Variants in TSPAN4 observed in about 807,000 individuals in gnomAD.
TSPAN4 encodes the protein tetraspanin-4.
Under a neutral mutation model 31.5 loss-of-function variants are expected in TSPAN4, and 38 were observed. The observed-to-expected ratio is 1.21, with a 90% CI of 0.93 to 1.58. TSPAN4 has a LOEUF of 1.58. Among genes scored for constraint, TSPAN4 ranks in the 40% most tolerant of loss-of-function variants. The pLI is 0.00. For missense variants in TSPAN4, 330 were observed against 317.3 expected, an observed-to-expected ratio of 1.04 and a Z score of -0.30; for synonymous variants, 186 against 144.6, an observed-to-expected ratio of 1.29 and a Z score of -2.06.
At chr11:852,421 TAATC>T (rs1012455139) in intron 3 of TSPAN4, among the ~76,000 whole-genome samples, 2 of 152,192 alleles carry the variant, frequency 1.3e-5, no homozygotes, top group Admixed American at 6.5e-5. Context: ...TATTTTTTAT[TAATC>T]AATCACCACC....
intron 3 of TSPAN4, among the ~76,000 whole-genome samples, chr11:853,403 CT>C (rs1009663267): frequency 1.3e-5 from 2 of 152,170 alleles, no homozygotes; most frequent in African/African-American, 4.8e-5. Flanking sequence ...GCTAGGGCCC[CT>C]GGTCACTGAC....
Position 862,661 on chromosome 11 carries a change from A to G in TSPAN4, c.175A>G (p.Ile59Val). ...CCTGTCGGCTGCCAACTTGCTCATC[A>G]TCACCGGCGCCTTTGTCATGGCCAT... is the stretch of plus-strand genomic sequence containing the variant. ...PSLSAANLLI[I>V]TGAFVMAIGF... Residue 59 changes from isoleucine (I) to valine (V), a missense_variant, in exon 4 of 9, where the codon ATC becomes GTC. Physicochemically the swap from Ile to Val is conservative, Grantham distance 29 (BLOSUM62 3). Coordinates refer to ENST00000397397, the MANE Select transcript of TSPAN4 (RefSeq NM_003271.5). 1.2e-6 allele frequency: 2 copies of G among 1,613,248 alleles called. No individual in the cohort carries two copies. The highest frequency in any genetic ancestry group is 1.1e-5 in the South Asian group (1 of 91,074).
rs756347490 is a variant in TSPAN4, at chr11:865,809, G to A, written c.548G>A (p.Gly183Asp). ...GAGAGCTGTGGGCTGCACGCCCCCG[G>A]CACCTGGTGGAAGGCGGTGAGTGAG... ...FSESCGLHAPGTWWKAPCYET... is the reference protein window; with the variant it reads ...FSESCGLHAPDTWWKAPCYET... Residue 183 changes from glycine (G) to aspartate (D), a missense_variant, in exon 7 of 9, where the codon GGC becomes GAC. Gly to Asp is a moderately conservative substitution (Grantham distance 94, BLOSUM62 -1). Transcript: ENST00000397397. 5.6e-6 allele frequency: 9 copies of A among 1,612,310 alleles called. No individual in the cohort carries two copies. Among genetic ancestry groups the A allele is most frequent in the Non-Finnish European group, 7.6e-6 (9 of 1,179,578 alleles).
intron 2 of TSPAN4, chr11:849,676 G>C (rs1847519234): frequency 6.6e-6 from 1 of 151,734 alleles, no homozygotes; most frequent in Admixed American, 6.6e-5. Context: ...CGGGGTCGCG[G>C]CTGGTGCGTT....
At position 866,725 on chromosome 11, in the gene TSPAN4, C is replaced by G. The variant is rs1848874616; in HGVS notation, c.*95C>G. 9.5e-6 allele frequency: 12 copies of G among 1,260,092 alleles called. No homozygotes were observed. Among genetic ancestry groups the G allele is most frequent in the Non-Finnish European group, 1.3e-5 (12 of 917,272 alleles). The allele number at this position is 1,260,092 out of a possible 1,614,324, so 78.1% of individuals were successfully genotyped here. A position where few individuals can be genotyped will look rare whatever the true frequency, so the allele number is the denominator to read the frequency against. On this transcript the variant is annotated 3_prime_UTR_variant, in exon 9 of 9. Coordinates refer to ENST00000397397, the MANE Select transcript of TSPAN4 (RefSeq NM_003271.5). ...CCCACCACCAGCCTCGGTGCTCTGC[C>G]CCATGCTGGGAGGAGGGAGGGAGGG...
intron 5 of TSPAN4, chr11:865,295 C>T (rs1848706272): frequency 1.2e-5 from 7 of 579,386 alleles, no homozygotes; most frequent in African/African-American, 3.8e-5. Flanking sequence ...CCATGGTCCT[C>T]CCCCAGCCTG....
Position 865,744 on chromosome 11 carries a change from C to G in TSPAN4, c.483C>G (p.Asn161Lys). ...ACACTGACTGGTTCGAGGTGTACAA[C>G]GCCACGCGGGTACCTGACTCCTGCT... ...SNYTDWFEVYNATRVPDSCCL... is the reference protein window; with the variant it reads ...SNYTDWFEVYKATRVPDSCCL... Residue 161 changes from asparagine (N) to lysine (K), a missense_variant, in exon 7 of 9, where the codon AAC (asparagine) becomes AAG (lysine). Transcript: ENST00000397397. The G allele has an allele frequency of 6.2e-7, 1 of 1,613,260 alleles. No individual in the cohort carries two copies. The highest frequency in any genetic ancestry group is 8.5e-7 in the Non-Finnish European group (1 of 1,179,896).
chr11:850,320 C>T lies in TSPAN4; in HGVS notation c.16C>T (p.Leu6Phe), dbSNP rs1176278508. ...GCGCTGCGGCATGGCGCGCGCCTGC[C>T]TCCAGGCCGTCAAGTACCTCATGTT... The part of the protein sequence containing the change: MARAC[L>F]QAVKYLMFAF... Residue 6 changes from leucine (L) to phenylalanine (F), a missense_variant, in exon 3 of 9, where the codon CTC becomes TTC. Transcript: ENST00000397397. 13 of 1,608,648 alleles carry T rather than the reference C, an allele frequency of 8.1e-6. No individual in the cohort carries two copies. The East Asian group carries it at 1.6e-4, about 19-fold the overall frequency.
rs1284043242 is a variant in TSPAN4, at chr11:849,040, G to T, written c.-17-1248G>T. Reference sequence around the variant, plus strand: ...GGGCCCCTTGTTTAAAAATTACCAAGAATTTCAAGACGGGAACAGCAGAGC... The same window carrying T: ...GGGCCCCTTGTTTAAAAATTACCAATAATTTCAAGACGGGAACAGCAGAGC... On this transcript the variant is annotated intron_variant, in intron 2 of 8. Coordinates refer to ENST00000397397, the MANE Select transcript of TSPAN4 (RefSeq NM_003271.5). 3 of 597,338 alleles carry T rather than the reference G, an allele frequency of 5.0e-6. No homozygotes were observed. The East Asian group carries it at 8.8e-5, about 18-fold the overall frequency. 37.0% of individuals were successfully genotyped at this position (597,338 alleles called of 1,614,324 possible).
Position 866,820 on chromosome 11 carries a change from A to G in TSPAN4, c.*190A>G. 4 of 562,030 alleles carry G rather than the reference A, an allele frequency of 7.1e-6. No homozygotes were observed. The highest frequency in any genetic ancestry group is 1.2e-5 in the Non-Finnish European group (4 of 335,598). 34.8% of individuals were successfully genotyped at this position (562,030 alleles called of 1,614,324 possible). ...GCTCAGGTGGCTTCAGGGCCTCCGG[A>G]CCCCCCCTGGGAGGGGTGGCCACGT... On this transcript the variant is annotated 3_prime_UTR_variant, in exon 9 of 9. Transcript: ENST00000397397.
At chr11:844,953 G>A (rs1356387542) in intron 1 of TSPAN4, among the ~76,000 whole-genome samples, 2 of 152,194 alleles carry the variant, frequency 1.3e-5, no homozygotes, top group African/African-American at 4.8e-5. Flanking sequence ...GGGACCAGGA[G>A]GGCTGGGAGG....
chr11:859,301 G>T (rs1251168187), intron 3 of TSPAN4, among the ~76,000 whole-genome samples: 1 of 75,490 alleles, frequency 1.3e-5, no homozygotes, highest in Non-Finnish European at 2.5e-5. Flanking sequence ...GTGCACCCCG[G>T]CTCACACGCA....
chr11:862,890 CCTGGCCACTGTTGGGTCTT>C, intron 4 of TSPAN4, 149 bp downstream of exon 4: 1 of 839,316 alleles, frequency 1.2e-6, no homozygotes, highest in Non-Finnish European at 1.8e-6. Flanking sequence ...GGCCCGGGGC[CCTGGCCACTGTTGGGTCTT>C]CCAGGCCACA....
At chr11:846,101 G>C (rs1468745152) in intron 1 of TSPAN4, among the ~76,000 whole-genome samples, 1 of 152,104 alleles carries the variant, frequency 6.6e-6, no homozygotes, top group Non-Finnish European at 1.5e-5. Context: ...CGTGGGCCTG[G>C]GGGGCCAGGG....
At chr11:857,952 T>TG (rs1848153974) in intron 3 of TSPAN4, 1 of 152,276 alleles carries the variant, frequency 6.6e-6, no homozygotes, top group South Asian at 2.1e-4. Context: ...GCCCAGTTCT[T>TG]GGGGCAGTGA....
At chr11:864,650 AC>A in intron 5 of TSPAN4, 139 bp downstream of exon 5, 2 of 1,105,904 alleles carry the variant, frequency 1.8e-6, no homozygotes, top group Non-Finnish European at 2.7e-6. Flanking sequence ...GTGTGGATTT[AC>A]CAGGCCTGGA....
chr11:851,427 G>C (rs1251158299), intron 3 of TSPAN4, among the ~76,000 whole-genome samples: 3 of 152,214 alleles, frequency 2.0e-5, no homozygotes, highest in Non-Finnish European at 4.4e-5. Context: ...ATAAGGTCCA[G>C]CTGGGCCAAG....
In TSPAN4 at chr11:865,907, C is replaced by A. The variant is rs541587241; in HGVS notation, c.565-11C>A. 6.2e-7 allele frequency: 1 copy of A among 1,613,096 alleles called. No homozygotes were observed. The highest frequency in any genetic ancestry group is 1.1e-5 in the South Asian group (1 of 91,072). ...GCCCTGCCGTGACACGCATGACATC[C>A]CTCCCTGCAGCCGTGCTACGAGACG... On this transcript the variant is annotated splice_polypyrimidine_tract_variant and intron_variant, in intron 7 of 8. Transcript: ENST00000397397.
chr11:860,418 C>T (rs750116036), intron 3 of TSPAN4, among the ~76,000 whole-genome samples: 4 of 152,244 alleles, frequency 2.6e-5, no homozygotes, highest in South Asian at 2.1e-4. Context: ...GGCCTCCAAC[C>T]TCCAGCCTGG....
Sources: allele counts gnomAD v4.1 joint callset (sites outside exome capture counted in the v4.1 genomes callset), GRCh38; gene constraint gnomAD v4.1.1; transcripts MANE v1.5; gene names NCBI Gene and HGNC (gene_info 2026-07-23, HGNC 2026-07-21).